Variants in GALNTL6 observed in about 807,000 individuals in gnomAD.
The protein encoded by GALNTL6 is polypeptide N-acetylgalactosaminyltransferase like 6.
In GALNTL6, 46 loss-of-function variants were observed where a neutral mutation model predicts 73.7. The observed-to-expected ratio is 0.62, with a 90% CI of 0.49 to 0.80. The LOEUF (loss-of-function observed/expected upper bound fraction) is 0.80. Ranked by LOEUF, GALNTL6 falls within the 30% of genes least tolerant of loss-of-function variation. The probability of loss-of-function intolerance (pLI) is 0.00; values close to 1 mark genes in which losing one functional copy is unlikely to be tolerated. For synonymous variants in GALNTL6, 259 were observed against 263.7 expected (o/e 0.98, Z 0.17); for missense variants, 604 against 755.0 (o/e 0.80, Z 2.34).
At chr4:172,245,749 C>T (rs1339889075) in intron 3 of GALNTL6, among the ~76,000 whole-genome samples, 1 of 152,124 alleles carries the variant, frequency 6.6e-6, no homozygotes, top group Non-Finnish European at 1.5e-5. Flanking sequence ...TTCTTGGCTC[C>T]ATTACCTAAT....
At chr4:172,942,039 T>G (rs2126310865) in intron 9 of GALNTL6, among the ~76,000 whole-genome samples, 1 of 152,356 alleles carries the variant, frequency 6.6e-6, no homozygotes, top group East Asian at 1.9e-4. Context: ...TGTATCTCCA[T>G]TTTAGTGCCA....
At chr4:172,395,939 T>C (rs1311360516) in intron 5 of GALNTL6, among the ~76,000 whole-genome samples, 1 of 152,100 alleles carries the variant, frequency 6.6e-6, no homozygotes, top group Non-Finnish European at 1.5e-5. Context: ...TTCTCTGACT[T>C]CACGCGTAGT....
chr4:172,761,669 T>TTCTCTCTTTCTCTC (rs1553985723), intron 5 of GALNTL6, among the ~76,000 whole-genome samples: 1 of 147,176 alleles, frequency 6.8e-6, no homozygotes, highest in African/African-American at 2.5e-5. Flanking sequence ...CTTGCTCTCT[T>TTCTCTCTTTCTCTC]TCTCTCTCTC....
chr4:172,253,345 T>C (rs1206850017), intron 3 of GALNTL6, among the ~76,000 whole-genome samples: 1 of 151,834 alleles, frequency 6.6e-6, no homozygotes, highest in African/African-American at 2.4e-5. Flanking sequence ...GTGAGAAAGA[T>C]CTAAGCAAAA....
At chr4:172,245,115 A>C (rs1737578324) in intron 3 of GALNTL6, among the ~76,000 whole-genome samples, 1 of 152,288 alleles carries the variant, frequency 6.6e-6, no homozygotes, top group Admixed American at 6.5e-5. Context: ...GAGTACACTA[A>C]GATTAAATTG....
At chr4:172,607,096 G>A (rs1738334009) in intron 5 of GALNTL6, among the ~76,000 whole-genome samples, 2 of 151,930 alleles carry the variant, frequency 1.3e-5, no homozygotes, top group African/African-American at 4.8e-5. Flanking sequence ...GATATTTGAA[G>A]TCTTGGAAGT....
intron 2 of GALNTL6, among the ~76,000 whole-genome samples, chr4:172,111,950 A>C (rs1474831331): frequency 6.6e-6 from 1 of 152,002 alleles, no homozygotes; most frequent in African/African-American, 2.4e-5. Flanking sequence ...TCCTTAGTTC[A>C]CATTAGGTTT....
intron 4 of GALNTL6, among the ~76,000 whole-genome samples, chr4:172,320,485 G>A (rs370084913): frequency 2.0e-5 from 3 of 152,126 alleles, no homozygotes; most frequent in African/African-American, 2.4e-5. Context: ...CTAAGGTCAC[G>A]CTGAAAAAGA....
At chr4:172,665,492 A>C (rs1435402630) in intron 5 of GALNTL6, among the ~76,000 whole-genome samples, 1 of 152,230 alleles carries the variant, frequency 6.6e-6, no homozygotes, top group East Asian at 1.9e-4. Context: ...TGGAAGAGGA[A>C]GTAAAAAAGA....
At chr4:171,954,716 G>T (rs757094840) in intron 2 of GALNTL6, among the ~76,000 whole-genome samples, 1 of 152,080 alleles carries the variant, frequency 6.6e-6, no homozygotes, top group Non-Finnish European at 1.5e-5. Flanking sequence ...ATCTCTTGTC[G>T]AATTGTAATC....
At chr4:172,576,921 T>C (rs1347635967) in intron 5 of GALNTL6, among the ~76,000 whole-genome samples, 3 of 152,190 alleles carry the variant, frequency 2.0e-5, no homozygotes, top group Non-Finnish European at 4.4e-5. Flanking sequence ...GGGATACTTA[T>C]GTGAGTGAGG....
chr4:173,033,721 A>G (rs1405912092), intron 12 of GALNTL6, among the ~76,000 whole-genome samples: 1 of 152,194 alleles, frequency 6.6e-6, no homozygotes, highest in African/African-American at 2.4e-5. Context: ...AACTAGGATT[A>G]AAACTGGTTT....
Position 171,988,693 on chromosome 4 carries a change from G to T in GALNTL6, c.138+173975G>T, listed in dbSNP as rs553767344. 1.9e-3 allele frequency among the ~76,000 whole-genome samples: 282 copies of T among 152,274 alleles called. 2 individuals are homozygous for T. The highest frequency in any genetic ancestry group is 2.9e-3 in the Non-Finnish European group (199 of 68,008). On this transcript the variant is annotated intron_variant, in intron 2 of 12. Transcript: ENST00000506823. The stretch of plus-strand genomic sequence containing the variant: ...AAAATGGGGGAATGGTAAGGAGAGT[G>T]TATAGGCTTTAAAAGGCCATGCTGT...
intron 12 of GALNTL6, 44 bp from the exon 13 acceptor site, chr4:173,039,889 C>G: frequency 1.3e-6 from 2 of 1,487,050 alleles, no homozygotes; most frequent in Non-Finnish European, 1.8e-6. Context: ...TAACCATTCA[C>G]CACGTATTAC....
intron 5 of GALNTL6, among the ~76,000 whole-genome samples, chr4:172,405,741 T>C (rs1744217370): frequency 6.6e-6 from 1 of 151,702 alleles, no homozygotes; most frequent in Non-Finnish European, 1.5e-5. Context: ...CCAAAACTGC[T>C]CATCAATCTC....
At chr4:171,974,223 A>G (rs552536652) in intron 2 of GALNTL6, among the ~76,000 whole-genome samples, 1 of 152,124 alleles carries the variant, frequency 6.6e-6, no homozygotes, top group South Asian at 2.1e-4. Flanking sequence ...ATGTCTATGA[A>G]GTTTTGACTT....
At position 172,133,580 on chromosome 4, in the gene GALNTL6, A is replaced by G. The variant is rs185745951; in HGVS notation, c.139-96076A>G. Among the ~76,000 whole-genome samples, 174 of 152,362 alleles carry G rather than the reference A, an allele frequency of 1.1e-3. 1 individual carries two copies. The highest frequency in any genetic ancestry group is 2.0e-3 in the Non-Finnish European group (134 of 68,022). On this transcript the variant is annotated intron_variant, in intron 2 of 12. Transcript: ENST00000506823. The stretch of plus-strand genomic sequence containing the variant: ...TGTGTTGAAACTATGGTGGATATCA[A>G]TGAATGCAAAAGCATCTCCTGTGCT...
intron 2 of GALNTL6, among the ~76,000 whole-genome samples, chr4:172,038,684 A>C (rs1265781846): frequency 6.6e-6 from 1 of 152,198 alleles, no homozygotes; most frequent in Non-Finnish European, 1.5e-5. Flanking sequence ...TTTGTTATTC[A>C]ATTCACAAAC....
intron 8 of GALNTL6, among the ~76,000 whole-genome samples, chr4:172,903,781 G>C (rs1184151122): frequency 6.6e-6 from 1 of 152,094 alleles, no homozygotes; most frequent in Non-Finnish European, 1.5e-5. Context: ...AATCCTTTCG[G>C]GGGTTTGTTG....
Sources: gnomAD v4.1 joint callset for allele counts (sites outside exome capture counted in the v4.1 genomes callset) on GRCh38, gnomAD v4.1.1 for gene constraint, MANE v1.5 for transcripts, NCBI Gene and HGNC (gene_info 2026-07-23, HGNC 2026-07-21) for gene names.